PKHD1L1: variants seen among roughly 807,000 people sequenced by gnomAD.
The protein encoded by PKHD1L1 is fibrocystin-L.
In PKHD1L1, 434 loss-of-function variants were observed where a neutral mutation model predicts 462.9. The ratio of observed to expected loss-of-function variants is 0.94; its 90% CI spans 0.87 to 1.02. The LOEUF is 1.02. PKHD1L1 is among the 50% of genes least tolerant of loss of function. The pLI is 0.00. For missense variants in PKHD1L1, 5,202 were observed against 5,096.1 expected (o/e 1.02, Z -0.63); for synonymous variants, 1,781 against 1,750.0 (o/e 1.02, Z -0.44).
intron 1 of PKHD1L1, 22 bp from the exon 2 acceptor site, chr8:109,364,525 A>G: frequency 6.7e-7 from 1 of 1,486,528 alleles, no homozygotes; most frequent in South Asian, 1.2e-5. Flanking sequence ...TTTTACCTCT[A>G]CTGTATTTTA....
intron 76 of PKHD1L1, among the ~76,000 whole-genome samples, chr8:109,524,441 A>T (rs1820713858): frequency 6.7e-6 from 1 of 150,046 alleles, no homozygotes; most frequent in Non-Finnish European, 1.5e-5. Flanking sequence ...CCCAAATGGA[A>T]TTTTTTTTTT....
Position 109,515,314 on chromosome 8 carries a change from T to A in PKHD1L1, c.11689+9T>A. 1 of 1,534,762 alleles carries A rather than the reference T, an allele frequency of 6.5e-7. No individual in the cohort carries two copies. Among genetic ancestry groups the A allele is most frequent in the Non-Finnish European group, 8.8e-7 (1 of 1,138,180 alleles). On this transcript the variant is annotated intron_variant, in intron 72 of 77. Coordinates refer to ENST00000378402, the MANE Select transcript of PKHD1L1 (RefSeq NM_177531.6). ...TAACCATCTGTACAAAGGTATTGTC[T>A]CAGAAAAAATACAGTACACATGGAA...
At position 109,393,767 on chromosome 8, in the gene PKHD1L1, C is replaced by G. The variant is rs1162577905; in HGVS notation, c.741-648C>G. On this transcript the variant is annotated intron_variant, in intron 9 of 77. Coordinates refer to ENST00000378402, the MANE Select transcript of PKHD1L1 (RefSeq NM_177531.6). Reference sequence around the variant, plus strand: ...GAAAGTTCTTAGCATGATCCCACCTCTTAGAACAAAAAGGAGGTTCTAAAA... The same window carrying G: ...GAAAGTTCTTAGCATGATCCCACCTGTTAGAACAAAAAGGAGGTTCTAAAA... Among the ~76,000 whole-genome samples, 5 of 152,226 alleles carry G rather than the reference C, an allele frequency of 3.3e-5. No individual in the cohort carries two copies. In the East Asian group the frequency reaches 9.6e-4, roughly 29 times the overall value.
chr8:109,480,893 C>T (rs1023635709), intron 55 of PKHD1L1, among the ~76,000 whole-genome samples: 1 of 151,758 alleles, frequency 6.6e-6, no homozygotes, highest in Non-Finnish European at 1.5e-5. Flanking sequence ...AGTTGGGTAA[C>T]CATGGGTAAG....
intron 67 of PKHD1L1, 91 bp from the exon 68 acceptor site, chr8:109,504,236 A>G (rs1401275689): frequency 1.0e-5 from 8 of 800,594 alleles, no homozygotes. Context: ...TAAGGTAGTG[A>G]CAAAAGATGT....
At chr8:109,502,311 T>G (rs765559516) in intron 67 of PKHD1L1, among the ~76,000 whole-genome samples, 20 of 152,162 alleles carry the variant, frequency 1.3e-4, no homozygotes, top group Non-Finnish European at 2.5e-4. Flanking sequence ...CATACTAGTG[T>G]ATAATTCCCT....
At chr8:109,396,285 T>A in intron 11 of PKHD1L1, 148 bp downstream of exon 11, 1 of 650,380 alleles carries the variant, frequency 1.5e-6, no homozygotes, top group Non-Finnish European at 2.6e-6. Context: ...GTTCTGGGAT[T>A]TGATGCTCTT....
At chr8:109,526,761 A>C (rs1820835085) in intron 76 of PKHD1L1, 23 bp from the exon 77 acceptor site, 2 of 1,522,994 alleles carry the variant, frequency 1.3e-6, no homozygotes, top group Non-Finnish European at 1.8e-6. Flanking sequence ...GAAATCAAAC[A>C]CTATGATGCT....
chr8:109,425,079 A>G lies in PKHD1L1; in HGVS notation c.2698-6A>G. The G allele has an allele frequency of 6.4e-7, 1 of 1,553,588 alleles. No individual in the cohort carries two copies. Among genetic ancestry groups the G allele is most frequent in the Admixed American group, 2.1e-5 (1 of 46,808 alleles). ...TCATTTTATCAATATTTATTTTGGA[A>G]ATTAGATAATCACACATGAGACAGA... On this transcript the variant is annotated splice_polypyrimidine_tract_variant and splice_region_variant and intron_variant, in intron 23 of 77. Coordinates refer to ENST00000378402, the MANE Select transcript of PKHD1L1 (RefSeq NM_177531.6).
At chr8:109,406,686 C>A (rs547929428) in intron 17 of PKHD1L1, among the ~76,000 whole-genome samples, 2 of 152,240 alleles carry the variant, frequency 1.3e-5, no homozygotes, top group African/African-American at 4.8e-5. Flanking sequence ...ATACATACTA[C>A]AAATGCGTTT....
chr8:109,395,528 A>T (rs552015586), intron 10 of PKHD1L1, among the ~76,000 whole-genome samples: 4 of 152,206 alleles, frequency 2.6e-5, no homozygotes, highest in Non-Finnish European at 5.9e-5. Flanking sequence ...GTTAATAAGG[A>T]TAAATTTTAG....
In PKHD1L1 at chr8:109,440,842, C is replaced by A; in HGVS notation, c.4089C>A (p.Thr1363=). ...FGFSTIPAEN[T]VLLGSIPCNV... Reference sequence around the variant, plus strand: ...TCAGCACAATACCAGCTGAGAATACCGTGCTGTTAGGTAAGAGCTTCATTC... The same window carrying A: ...TCAGCACAATACCAGCTGAGAATACAGTGCTGTTAGGTAAGAGCTTCATTC... The change falls in exon 33 of 78, where the codon ACC becomes ACA. Residue 1363 remains threonine, a synonymous_variant. Transcript: ENST00000378402. The A allele has an allele frequency of 6.2e-7, 1 of 1,612,088 alleles. No homozygotes were observed.
chr8:109,429,305 A>G, intron 25 of PKHD1L1, 35 bp from the exon 26 acceptor site: 1 of 1,448,966 alleles, frequency 6.9e-7, no homozygotes, highest in Non-Finnish European at 9.4e-7. Flanking sequence ...TATTTGTTAT[A>G]ACCTTTCTAG....
intron 23 of PKHD1L1, among the ~76,000 whole-genome samples, chr8:109,422,122 T>C (rs1490550522): frequency 6.6e-6 from 1 of 152,176 alleles, no homozygotes; most frequent in African/African-American, 2.4e-5. Context: ...TTACCCATTT[T>C]CCCCCAATGA....
chr8:109,372,343 C>T (rs12019537), intron 2 of PKHD1L1, among the ~76,000 whole-genome samples: 3,653 of 152,172 alleles, frequency 0.024, 137 homozygotes, highest in African/African-American at 0.084. Context: ...GTGATTTTTG[C>T]ACATTGATTT....
chr8:109,497,006 G>T lies in PKHD1L1; in HGVS notation c.10415G>T (p.Gly3472Val). The change falls in exon 64 of 78, where the codon GGA (glycine) becomes GTA (valine). Residue 3472 changes from glycine (G) to valine (V), a missense_variant. Around this residue, in one of 3 missense-constraint regions of PKHD1L1, gnomAD observed 4,497 missense variants for 4,336.8 expected, o/e 1.04. Transcript: ENST00000378402. Reference protein sequence around the residue: ...GIYMNQDGLPGCSLIQGFTIW... With the variant: ...GIYMNQDGLPVCSLIQGFTIW... ...TATATGAACCAAGATGGCCTTCCTG[G>T]ATGTTCTCTTATACAAGGATTTACC... The T allele has an allele frequency of 6.2e-7, 1 of 1,613,626 alleles. No individual in the cohort carries two copies. The highest frequency in any genetic ancestry group is 8.5e-7 in the Non-Finnish European group (1 of 1,179,626).
chr8:109,390,494 G>A lies in PKHD1L1; in HGVS notation c.740G>A (p.Arg247Lys). The A allele has an allele frequency of 1.4e-6, 2 of 1,436,004 alleles. No individual in the cohort carries two copies. The highest frequency in any genetic ancestry group is 1.4e-5 in the South Asian group (1 of 70,370). The allele number at this position is 1,436,004 out of a possible 1,614,324, so 89.0% of individuals were successfully genotyped here. Reference protein sequence around the residue: ...VSFILDNDYGRSFPQKMAYFV... With the variant: ...VSFILDNDYGKSFPQKMAYFV... ...TTCATCTTAGATAATGATTATGGAA[G>A]GTAGGCTATTTTGTAAATAATAACT... Residue 247 changes from arginine to lysine, a missense_variant and splice_region_variant, in exon 9 of 78, where the codon AGG becomes AAG. Around this residue, in one of 3 missense-constraint regions of PKHD1L1, gnomAD observed 4,497 missense variants for 4,336.8 expected, o/e 1.04. Coordinates refer to ENST00000378402, the MANE Select transcript of PKHD1L1 (RefSeq NM_177531.6).
Position 109,464,637 on chromosome 8 carries a change from G to A in PKHD1L1, c.7805G>A (p.Cys2602Tyr). ...GGGCCATCCTATGACAGAAACATTT[G>A]TCAAAAAAGAGTTCCCCTTGGCGAA... ...PDGPSYDRNICQKRVPLGEFF... is the reference protein window; with the variant it reads ...PDGPSYDRNIYQKRVPLGEFF... The change falls in exon 49 of 78, where the codon TGT becomes TAT. Residue 2602 changes from cysteine (C) to tyrosine (Y), a missense_variant. Cys to Tyr is a radical substitution (Grantham distance 194). Around this residue, in one of 3 missense-constraint regions of PKHD1L1, gnomAD observed 4,497 missense variants for 4,336.8 expected, o/e 1.04. Transcript: ENST00000378402. 2 of 1,612,500 alleles carry A rather than the reference G, an allele frequency of 1.2e-6. No individual in the cohort carries two copies. Among genetic ancestry groups the A allele is most frequent in the African/African-American group, 1.3e-5 (1 of 74,982 alleles).
intron 77 of PKHD1L1, 70 bp from the exon 78 acceptor site, chr8:109,530,009 GA>G: frequency 1.1e-6 from 1 of 927,990 alleles, no homozygotes; most frequent in Non-Finnish European, 1.5e-6. Context: ...TAAAATTAAT[GA>G]AATATATTTT....
Sources: gnomAD v4.1 joint callset for allele counts (sites outside exome capture counted in the v4.1 genomes callset) on GRCh38, gnomAD v4.1.1 for gene constraint, gnomAD v4.1.1 regional missense constraint, MANE v1.5 for transcripts, NCBI Gene and HGNC (gene_info 2026-07-23, HGNC 2026-07-21) for gene names.